DCHS2: variants seen among roughly 807,000 people sequenced by gnomAD.
DCHS2 encodes protocadherin-23.
DCHS2 carries 142 observed loss-of-function variants against 182.4 expected under a neutral mutation model. The ratio of observed to expected loss-of-function variants is 0.78; its 90% CI spans 0.68 to 0.89. The LOEUF (loss-of-function observed/expected upper bound fraction) is 0.89, where lower values mean the gene tolerates loss of function less well. DCHS2 is among the 40% of genes least tolerant of loss of function. DCHS2 has a pLI of 0.00. For missense variants in DCHS2, 4,319 were observed against 4,198.6 expected (o/e 1.03, Z -0.79); for synonymous variants, 1,740 against 1,663.3 (o/e 1.05, Z -1.12).
At chr4:154,273,596 C>T (rs1024254524) in intron 13 of DCHS2, among the ~76,000 whole-genome samples, 5 of 151,518 alleles carry the variant, frequency 3.3e-5, no homozygotes, top group African/African-American at 9.7e-5. Context: ...TCCCCAAAAC[C>T]TACTGAAATA....
Position 154,322,485 on chromosome 4 carries a change from T to C in DCHS2, c.4022A>G (p.Asp1341Gly), listed in dbSNP as rs1379531355. ...AEVTYSVSSE[D>G]SSDHFKIDAN... The stretch of plus-strand genomic sequence containing the variant: ...GTCAATCTTAAAGTGATCAGAACTA[T>C]CTTCTACACACACAAGAAAATTAAG... The change falls in exon 8 of 20, where the codon GAT (aspartate) becomes GGT (glycine). Residue 1341 changes from aspartate (D) to glycine (G), a missense_variant. Transcript: ENST00000357232. 7 of 1,596,660 alleles carry C rather than the reference T, an allele frequency of 4.4e-6. No individual in the cohort carries two copies. The highest frequency in any genetic ancestry group is 1.3e-5 in the African/African-American group (1 of 74,394).
intron 18 of DCHS2, 98 bp downstream of exon 18, chr4:154,240,439 T>C: frequency 7.1e-7 from 1 of 1,414,606 alleles, no homozygotes; most frequent in Non-Finnish European, 9.5e-7. Flanking sequence ...CAGTGAATGC[T>C]GTCTATCTGA....
intron 13 of DCHS2, among the ~76,000 whole-genome samples, chr4:154,277,773 G>A (rs1035010481): frequency 1.3e-5 from 2 of 152,162 alleles, no homozygotes; most frequent in Non-Finnish European, 2.9e-5. Flanking sequence ...GAGTGCAGTG[G>A]TTCATGCCTA....
At chr4:154,459,033 T>C (rs28429061) in intron 1 of DCHS2, among the ~76,000 whole-genome samples, 39,016 of 152,042 alleles carry the variant, frequency 0.26, 5,185 homozygotes, top group Middle Eastern at 0.33. Context: ...CCCCAAAATA[T>C]TCTATTACAT....
chr4:154,361,964 A>C (rs542016977), intron 3 of DCHS2, among the ~76,000 whole-genome samples: 1 of 152,338 alleles, frequency 6.6e-6, no homozygotes, highest in Admixed American at 6.5e-5. Flanking sequence ...TGAATGAACC[A>C]GTGTGCAAAT....
rs558345282 is a variant in DCHS2, at chr4:154,347,458, A to G, written c.2477-12354T>C. Among the ~76,000 whole-genome samples the G allele has an allele frequency of 1.3e-4, 20 of 151,700 alleles. No homozygotes were observed. The South Asian group carries it at 4.2e-3, about 32-fold the overall frequency. On this transcript the variant is annotated intron_variant, in intron 3 of 19. Transcript: ENST00000357232. Reference sequence around the variant, plus strand: ...TCTGAGCTTCTGTTTATCACTTTAAACAGACTGAAGAATCAGACTAATACC... The same window carrying G: ...TCTGAGCTTCTGTTTATCACTTTAAGCAGACTGAAGAATCAGACTAATACC...
At chr4:154,483,486 A>G (rs1041800501) in intron 1 of DCHS2, among the ~76,000 whole-genome samples, 1 of 152,232 alleles carries the variant, frequency 6.6e-6, no homozygotes, top group Admixed American at 6.5e-5. Context: ...CTGAAGAAAC[A>G]TGAGACCAAA....
chr4:154,313,838 T>C (rs1301404508), intron 10 of DCHS2, among the ~76,000 whole-genome samples: 1 of 152,176 alleles, frequency 6.6e-6, no homozygotes, highest in Non-Finnish European at 1.5e-5. Context: ...ATCCATTAAT[T>C]CAGAAAAACA....
intron 1 of DCHS2, among the ~76,000 whole-genome samples, chr4:154,442,695 T>C (rs532962333): frequency 6.6e-6 from 1 of 152,110 alleles, no homozygotes; most frequent in Non-Finnish European, 1.5e-5. Flanking sequence ...TTCCTCCTTC[T>C]TGGAATCCAT....
intron 1 of DCHS2, among the ~76,000 whole-genome samples, chr4:154,406,196 G>A (rs1231078655): frequency 6.6e-6 from 1 of 152,182 alleles, no homozygotes; most frequent in East Asian, 1.9e-4. Context: ...ATGGTCCTAT[G>A]GTAAACACCC....
chr4:154,489,933 C>G lies in DCHS2; in HGVS notation c.1423G>C (p.Glu475Gln). 6.5e-7 allele frequency: 1 copy of G among 1,540,940 alleles called. No homozygotes were observed. Among genetic ancestry groups the G allele is most frequent in the Non-Finnish European group, 8.8e-7 (1 of 1,139,996 alleles). Residue 475 changes from glutamate to glutamine, a missense_variant, in exon 1 of 20, where the codon GAG becomes CAG. Coordinates refer to ENST00000357232, the MANE Select transcript of DCHS2 (RefSeq NM_001358235.2). Reference protein sequence around the residue: ...GSISLSLEGGEGDFALLPGGP... With the variant: ...GSISLSLEGGQGDFALLPGGP... ...CCGGGTAGCAACGCGAAGTCTCCCT[C>G]TCCGCCTTCCAAGGACAGAGAGATG...
At chr4:154,339,872 T>C (rs1728983914) in intron 3 of DCHS2, among the ~76,000 whole-genome samples, 1 of 152,204 alleles carries the variant, frequency 6.6e-6, no homozygotes, top group Admixed American at 6.5e-5. Context: ...ACATATACGA[T>C]GTGTATACAC....
At chr4:154,308,013 A>T (rs545705043) in intron 10 of DCHS2, among the ~76,000 whole-genome samples, 7 of 152,128 alleles carry the variant, frequency 4.6e-5, no homozygotes, top group African/African-American at 1.4e-4. Context: ...TTCTCCTAAA[A>T]TTTTTTTCCT....
intron 5 of DCHS2, 117 bp downstream of exon 5, chr4:154,332,361 T>C: frequency 1.1e-6 from 1 of 918,430 alleles, no homozygotes; most frequent in Non-Finnish European, 1.6e-6. Context: ...ACCTAACGAC[T>C]TGAGTTTTCT....
In DCHS2 at chr4:154,320,927, C is replaced by G. The variant is rs1426944683; in HGVS notation, c.4472G>C (p.Ser1491Thr). 1 of 1,614,054 alleles carries G rather than the reference C, an allele frequency of 6.2e-7. No homozygotes were observed. Among genetic ancestry groups the G allele is most frequent in the East Asian group, 2.2e-5 (1 of 44,868 alleles). Residue 1491 changes from serine to threonine, a missense_variant, in exon 9 of 20, where the codon AGT (serine) becomes ACT (threonine). Ser to Thr is a moderately conservative substitution (Grantham distance 58, BLOSUM62 1). Transcript: ENST00000357232. Reference sequence around the variant, plus strand: ...ATCGATACTAAGGAAGACTGTGCTACTCAGGGAAAGGTTTTTGCTATGGTC... The same window carrying G: ...ATCGATACTAAGGAAGACTGTGCTAGTCAGGGAAAGGTTTTTGCTATGGTC... ...TTDHSKNLSL[S>T]STVFLSIDVE...
Position 154,332,464 on chromosome 4 carries a change from C to T in DCHS2, c.3730+14G>A, listed in dbSNP as rs1432874471. On this transcript the variant is annotated intron_variant, in intron 5 of 19. Transcript: ENST00000357232. ...CTCATTTTAAAGGAATAGGTGGAAA[C>T]TATGAAGTGCTACCTGTATTAGGAT... 1.3e-6 allele frequency: 2 copies of T among 1,590,562 alleles called. No individual in the cohort carries two copies. The highest frequency in any genetic ancestry group is 2.7e-5 in the African/African-American group (2 of 74,206).
At chr4:154,250,908 G>T (rs1385379284) in intron 16 of DCHS2, among the ~76,000 whole-genome samples, 1 of 152,162 alleles carries the variant, frequency 6.6e-6, no homozygotes, top group East Asian at 1.9e-4. Context: ...TTCAAAACTT[G>T]CCTGCTGCCT....
chr4:154,236,034 A>C lies in DCHS2; in HGVS notation c.8618T>G (p.Ile2873Arg). 1 of 1,613,934 alleles carries C rather than the reference A, an allele frequency of 6.2e-7. No individual in the cohort carries two copies. Among genetic ancestry groups the C allele is most frequent in the South Asian group, 1.1e-5 (1 of 91,074 alleles). Residue 2873 changes from isoleucine to arginine, a missense_variant, in exon 20 of 20, where the codon ATA (isoleucine) becomes AGA (arginine). Coordinates refer to ENST00000357232, the MANE Select transcript of DCHS2 (RefSeq NM_001358235.2). ...SLVVWVDIEGIDEFEPIFTQD... is the reference protein window; with the variant it reads ...SLVVWVDIEGRDEFEPIFTQD... ...AGTGAAAATGGGCTCAAATTCATCT[A>C]TCCCTTCAATATCCACCCAGACCAC...
intron 15 of DCHS2, among the ~76,000 whole-genome samples, chr4:154,257,347 T>G (rs1019216543): frequency 2.0e-5 from 3 of 152,060 alleles, no homozygotes; most frequent in Non-Finnish European, 4.4e-5. Context: ...CGGGGAGAGA[T>G]GTATCAGAAA....
Sources: allele counts gnomAD v4.1 joint callset (sites outside exome capture counted in the v4.1 genomes callset), GRCh38; gene constraint gnomAD v4.1.1; transcripts MANE v1.5; gene names NCBI Gene and HGNC (gene_info 2026-07-23, HGNC 2026-07-21).